SNX6: variants seen among roughly 807,000 people sequenced by gnomAD.
SNX6 encodes the protein sorting nexin 6.
A neutral mutation model predicts 63.0 loss-of-function variants in SNX6; 34 were observed. The ratio of observed to expected loss-of-function variants is 0.54; its 90% CI spans 0.41 to 0.72. The LOEUF is 0.72. Among genes scored for constraint, SNX6 ranks in the 30% least tolerant of loss-of-function variants. The pLI, the probability that SNX6 is intolerant of heterozygous loss-of-function variation, is 0.00. For missense variants in SNX6, 398 were observed against 471.4 expected, an observed-to-expected ratio of 0.84 and a Z score of 1.44; for synonymous variants, 170 against 164.2, an observed-to-expected ratio of 1.04 and a Z score of -0.27.
intron 4 of SNX6, among the ~76,000 whole-genome samples, chr14:34,607,025 G>A (rs1209227940): frequency 2.6e-5 from 4 of 151,636 alleles, no homozygotes; most frequent in East Asian, 2.0e-4. Context: ...TGATCCACCC[G>A]CCTCGGCCTC....
chr14:34,563,302 T>TA, intron 13 of SNX6, 127 bp from the exon 14 acceptor site: 1 of 813,126 alleles, frequency 1.2e-6, no homozygotes, highest in Non-Finnish European at 2.0e-6. Flanking sequence ...CTCATGCCTG[T>TA]AATCCCAGCA....
intron 2 of SNX6, among the ~76,000 whole-genome samples, chr14:34,612,704 G>C (rs931281653): frequency 6.6e-6 from 1 of 151,806 alleles, no homozygotes; most frequent in Admixed American, 6.6e-5. Flanking sequence ...AAAGTGTTGG[G>C]ATTATAGGCG....
At chr14:34,594,430 T>G (rs1594723120) in intron 7 of SNX6, among the ~76,000 whole-genome samples, 1 of 152,256 alleles carries the variant, frequency 6.6e-6, no homozygotes, top group African/African-American at 2.4e-5. Flanking sequence ...CATGGCTCAC[T>G]GCAGCCTCAA....
chr14:34,610,671 T>G (rs964647729), intron 2 of SNX6, among the ~76,000 whole-genome samples: 3 of 152,174 alleles, frequency 2.0e-5, no homozygotes, highest in Non-Finnish European at 2.9e-5. Context: ...TGCTTCTACT[T>G]TCTCATCTAT....
chr14:34,565,453 A>G (rs1254681775), intron 13 of SNX6, among the ~76,000 whole-genome samples: 2 of 152,022 alleles, frequency 1.3e-5, no homozygotes, highest in East Asian at 1.9e-4. Flanking sequence ...ACAGACTACA[A>G]AAGCAGGTGG....
At chr14:34,568,423 G>T (rs1881289272) in intron 11 of SNX6, among the ~76,000 whole-genome samples, 2 of 151,746 alleles carry the variant, frequency 1.3e-5, no homozygotes, top group South Asian at 4.2e-4. Context: ...TAGAGATGGG[G>T]TTTCACCACG....
chr14:34,603,094 G>A (rs1470938561), intron 6 of SNX6, among the ~76,000 whole-genome samples: 2 of 151,162 alleles, frequency 1.3e-5, no homozygotes, highest in African/African-American at 2.4e-5. Flanking sequence ...TGGCTAACAC[G>A]GTGAAACACC....
At chr14:34,623,260 G>C in intron 2 of SNX6, among the ~76,000 whole-genome samples, 1 of 152,022 alleles carries the variant, frequency 6.6e-6, no homozygotes, top group South Asian at 2.1e-4. Flanking sequence ...TGAAGCGAAA[G>C]AAAAGGTGAG....
intron 8 of SNX6, among the ~76,000 whole-genome samples, chr14:34,591,591 G>A (rs1303027132): frequency 6.6e-6 from 1 of 151,142 alleles, no homozygotes; most frequent in Non-Finnish European, 1.5e-5. Flanking sequence ...CAGAGACTCC[G>A]CCTCAAAAAA....
intron 2 of SNX6, among the ~76,000 whole-genome samples, chr14:34,613,891 G>A (rs146657773): frequency 0.029 from 4,480 of 152,050 alleles, 191 homozygotes; most frequent in African/African-American, 0.096. Flanking sequence ...GGTGGATCAC[G>A]AGGTCAGGAG....
At chr14:34,564,490 A>G (rs1881079914) in intron 13 of SNX6, among the ~76,000 whole-genome samples, 1 of 152,120 alleles carries the variant, frequency 6.6e-6, no homozygotes, top group Non-Finnish European at 1.5e-5. Flanking sequence ...AACAGTTATC[A>G]GAAATCTAAA....
chr14:34,575,196 AT>A (rs34881787), intron 11 of SNX6, among the ~76,000 whole-genome samples: 73,626 of 110,954 alleles, frequency 0.66, 24,206 homozygotes, highest in South Asian at 0.77. Context: ...CCTGGCCTCA[AT>A]TTTTTTTTTT....
At chr14:34,574,875 TTTTC>T (rs1222917571) in intron 11 of SNX6, among the ~76,000 whole-genome samples, 3 of 151,246 alleles carry the variant, frequency 2.0e-5, no homozygotes, top group African/African-American at 7.3e-5. Context: ...GCTTTTTTCT[TTTTC>T]TTTGTTTTTA....
chr14:34,568,418 A>G (rs1881288875), intron 11 of SNX6, among the ~76,000 whole-genome samples: 1 of 151,816 alleles, frequency 6.6e-6, no homozygotes, highest in African/African-American at 2.4e-5. Flanking sequence ...TTTAGTAGAG[A>G]TGGGGTTTCA....
At chr14:34,577,655 A>G (rs2091751933) in intron 10 of SNX6, among the ~76,000 whole-genome samples, 1 of 152,130 alleles carries the variant, frequency 6.6e-6, no homozygotes, top group Non-Finnish European at 1.5e-5. Flanking sequence ...GAAATTTATT[A>G]TATCAACCAA....
At chr14:34,565,255 TTTTA>T (rs1299845938) in intron 13 of SNX6, among the ~76,000 whole-genome samples, 5 of 151,646 alleles carry the variant, frequency 3.3e-5, no homozygotes, top group Admixed American at 1.3e-4. Context: ...TTTTTTGTAT[TTTTA>T]GTAGAGACGG....
chr14:34,581,380 G>T (rs4403967), intron 10 of SNX6, among the ~76,000 whole-genome samples, 181 bp downstream of exon 10: 122,625 of 152,172 alleles, frequency 0.81, 49,835 homozygotes, highest in Non-Finnish European at 0.85. Context: ...TCTTGATCTC[G>T]TGACCTCGTG....
rs551215895 is a variant in SNX6, at chr14:34,598,401, T to A, written c.517-756A>T. Among the ~76,000 whole-genome samples the A allele has an allele frequency of 8.1e-4, 123 of 152,132 alleles. 1 individual carries two copies. The highest frequency in any genetic ancestry group is 2.5e-3 in the African/African-American group (104 of 41,506). On this transcript the variant is annotated intron_variant, in intron 6 of 13. Coordinates refer to ENST00000362031, the MANE Select transcript of SNX6 (RefSeq NM_152233.4). Reference sequence around the variant, plus strand: ...CCTAAAGTTCACAGGATGAAAAAAATTTTTTTTGAGACACTGTCTCCCTCT... The same window carrying A: ...CCTAAAGTTCACAGGATGAAAAAAAATTTTTTTGAGACACTGTCTCCCTCT...
At chr14:34,606,277 C>T (rs1323936069) in intron 4 of SNX6, among the ~76,000 whole-genome samples, 5 of 150,396 alleles carry the variant, frequency 3.3e-5, no homozygotes, top group African/African-American at 4.9e-5. Flanking sequence ...CACGACACCA[C>T]GCCCAACTAA....
Sources: allele counts gnomAD v4.1 joint callset (sites outside exome capture counted in the v4.1 genomes callset), GRCh38; gene constraint gnomAD v4.1.1; transcripts MANE v1.5; gene names NCBI Gene and HGNC (gene_info 2026-07-23, HGNC 2026-07-21).